DPH6: variants seen among roughly 807,000 people sequenced by gnomAD.
The protein encoded by DPH6 is diphthamine biosynthesis 6, also known as diphthine--ammonia ligase.
A neutral mutation model predicts 38.2 loss-of-function variants in DPH6; 33 were observed. That is an observed-to-expected ratio of 0.86 (90% CI 0.65 to 1.15). The LOEUF is 1.15. Among genes scored for constraint, DPH6 ranks in the 50% most tolerant of loss-of-function variants. The pLI, the probability that DPH6 is intolerant of heterozygous loss-of-function variation, is 0.00. For synonymous variants in DPH6, 108 were observed against 103.0 expected, an observed-to-expected ratio of 1.05 and a Z score of -0.30; for missense variants, 325 against 320.0, an observed-to-expected ratio of 1.02 and a Z score of -0.12.
chr15:35,409,891 T>C (rs1053641861), intron 6 of DPH6, among the ~76,000 whole-genome samples: 9 of 151,868 alleles, frequency 5.9e-5, no homozygotes, highest in African/African-American at 1.9e-4. Context: ...TGGAATATAC[T>C]AGATGCTTAA....
chr15:35,161,001 G>C, the DPH6 span, among the ~76,000 whole-genome samples: 1 of 151,958 alleles, frequency 6.6e-6, no homozygotes, highest in African/African-American at 2.4e-5. Flanking sequence ...GGGGTGGAGG[G>C]AGTGGGGAGG....
intron 3 of DPH6, among the ~76,000 whole-genome samples, chr15:35,301,299 G>A (rs939168534): frequency 6.6e-6 from 1 of 152,190 alleles, no homozygotes; most frequent in African/African-American, 2.4e-5. Context: ...CCAGGACTGT[G>A]CAGACATACT....
intron 3 of DPH6, among the ~76,000 whole-genome samples, chr15:35,247,005 T>C (rs903194839): frequency 5.9e-5 from 9 of 152,212 alleles, no homozygotes; most frequent in Non-Finnish European, 1.3e-4. Flanking sequence ...TCCTTGTTCA[T>C]GTAGAGCAAT....
intron 3 of DPH6, among the ~76,000 whole-genome samples, chr15:35,353,899 T>C (rs1246276765): frequency 6.6e-6 from 1 of 152,236 alleles, no homozygotes. Context: ...ATATTGATTC[T>C]TCCTATCCAT....
chr15:35,504,087 T>C (rs1386842433), intron 3 of DPH6, among the ~76,000 whole-genome samples: 1 of 151,966 alleles, frequency 6.6e-6, no homozygotes, highest in Non-Finnish European at 1.5e-5. Flanking sequence ...AGCCCCTATC[T>C]CTCCTCTCTC....
At position 35,260,320 on chromosome 15, in the gene DPH6, C is replaced by T. The variant is rs2051738009; in HGVS notation, n.201-39738G>A. ...ACAGGGTTTCACCATGTTGGCCAGG[C>T]TGGTCTTGAACTCCTGACCTCGTGA... On this transcript the variant is annotated intron_variant and non_coding_transcript_variant, in intron 3 of 3. Coordinates refer to the DPH6 transcript ENST00000560386. Among the ~76,000 whole-genome samples the T allele has an allele frequency of 1.3e-5, 2 of 152,032 alleles. 1 individual carries two copies. The highest frequency in any genetic ancestry group is 4.1e-4 in the South Asian group (2 of 4,828).
intron 6 of DPH6, among the ~76,000 whole-genome samples, chr15:35,410,396 A>T (rs1195214212): frequency 1.3e-5 from 2 of 151,750 alleles, no homozygotes; most frequent in African/African-American, 4.8e-5. Flanking sequence ...AGTAATTTGA[A>T]ATCTTGGGAT....
intron 3 of DPH6, among the ~76,000 whole-genome samples, chr15:35,305,035 G>A (rs2052078808): frequency 6.6e-6 from 1 of 152,034 alleles, no homozygotes; most frequent in Admixed American, 6.6e-5. Context: ...AGATCTCCTT[G>A]TATGGTATGG....
At chr15:35,449,645 C>A (rs1303258843) in intron 5 of DPH6, among the ~76,000 whole-genome samples, 1 of 110,174 alleles carries the variant, frequency 9.1e-6, no homozygotes, top group African/African-American at 2.6e-5. Flanking sequence ...AATATAATAA[C>A]GTTAATCATG....
At chr15:35,237,871 T>A in intron 3 of DPH6, 10 of 1,492,686 alleles carry the variant, frequency 6.7e-6, no homozygotes, top group Non-Finnish European at 9.3e-6. Context: ...ATGACGAAGA[T>A]GCTCAGGTAG....
chr15:35,478,366 T>TACACACACAC (rs66521447), intron 3 of DPH6, among the ~76,000 whole-genome samples: 4 of 142,150 alleles, frequency 2.8e-5, no homozygotes, highest in South Asian at 2.2e-4. Context: ...TACCCACACA[T>TACACACACAC]ACACACACAC....
In DPH6 at chr15:35,546,108, G is replaced by T. The variant is rs936552303; in HGVS notation, c.23+11C>A. On this transcript the variant is annotated intron_variant, in intron 1 of 8. Transcript: ENST00000256538. ...CCTAGGAGGAAGGAGGCGGCTCCAG[G>T]ACCGCATTACCTGATCAGAGCCGCG... 2.1e-6 allele frequency: 3 copies of T among 1,400,970 alleles called. No individual in the cohort carries two copies. The highest frequency in any genetic ancestry group is 2.8e-6 in the Non-Finnish European group (3 of 1,063,140). 86.8% of individuals were successfully genotyped at this position (1,400,970 alleles called of 1,614,324 possible).
chr15:35,193,386 G>A, the DPH6 span, among the ~76,000 whole-genome samples: 16 of 151,684 alleles, frequency 1.1e-4, no homozygotes, highest in East Asian at 1.4e-3. Context: ...ATAATATTTC[G>A]ATAAATTAAT....
intron 3 of DPH6, among the ~76,000 whole-genome samples, chr15:35,290,425 A>G (rs1429207140): frequency 1.3e-5 from 2 of 152,238 alleles, no homozygotes; most frequent in East Asian, 3.8e-4. Flanking sequence ...AGTGCAGTTC[A>G]GAGGCAATTA....
At chr15:35,198,049 A>G in the DPH6 span, among the ~76,000 whole-genome samples, 1 of 152,214 alleles carries the variant, frequency 6.6e-6, no homozygotes, top group Non-Finnish European at 1.5e-5. Flanking sequence ...AACAACAAGC[A>G]AAACTAATCT....
At chr15:35,522,804 T>C (rs1450160775) in intron 3 of DPH6, among the ~76,000 whole-genome samples, 1 of 152,098 alleles carries the variant, frequency 6.6e-6, no homozygotes, top group South Asian at 2.1e-4. Flanking sequence ...TTAAAATATA[T>C]CCTACAGATA....
intron 3 of DPH6, among the ~76,000 whole-genome samples, chr15:35,345,263 G>A (rs1195020655): frequency 6.6e-6 from 1 of 151,782 alleles, no homozygotes; most frequent in Non-Finnish European, 1.5e-5. Flanking sequence ...TTAATTCTAA[G>A]AACATCTCTG....
chr15:35,488,817 G>A (rs2054438957), intron 3 of DPH6, among the ~76,000 whole-genome samples: 1 of 151,990 alleles, frequency 6.6e-6, no homozygotes, highest in African/African-American at 2.4e-5. Context: ...TATGAAATAT[G>A]ACTGAGAGAT....
At chr15:35,326,995 A>G (rs1342881395), downstream of DPH6, among the ~76,000 whole-genome samples, 7 of 152,178 alleles carry the variant, frequency 4.6e-5, no homozygotes, top group African/African-American at 1.7e-4. Context: ...TGTGGCATTC[A>G]TAGAGTAGCC....
Sources: gnomAD v4.1 joint callset for allele counts (sites outside exome capture counted in the v4.1 genomes callset) on GRCh38, gnomAD v4.1.1 for gene constraint, MANE v1.5 for transcripts, NCBI Gene and HGNC (gene_info 2026-07-23, HGNC 2026-07-21) for gene names.